CCSER1: variants seen among roughly 807,000 people sequenced by gnomAD.
The protein encoded by CCSER1 is serine-rich coiled-coil domain-containing protein 1.
Under a neutral mutation model 82.0 loss-of-function variants are expected in CCSER1, and 41 were observed. The observed-to-expected ratio is 0.50, with a 90% CI of 0.39 to 0.65. The LOEUF is 0.65. Among genes scored for constraint, CCSER1 ranks in the 30% least tolerant of loss-of-function variants. The probability of loss-of-function intolerance (pLI) is 0.00; values close to 1 mark genes in which losing one functional copy is unlikely to be tolerated. For synonymous variants in CCSER1, 414 were observed against 383.9 expected (o/e 1.08, Z -0.92); for missense variants, 1,119 against 1,064.2 (o/e 1.05, Z -0.72).
chr4:91,177,640 G>T (rs1455265758), intron 10 of CCSER1, among the ~76,000 whole-genome samples: 5 of 152,116 alleles, frequency 3.3e-5, no homozygotes, highest in Non-Finnish European at 5.9e-5. Flanking sequence ...ATAGTAGTTT[G>T]TATTTCTGTC....
chr4:91,571,874 G>T (rs964641082), intron 10 of CCSER1, among the ~76,000 whole-genome samples: 2 of 152,118 alleles, frequency 1.3e-5, no homozygotes, highest in Non-Finnish European at 2.9e-5. Flanking sequence ...GACTCGTGGT[G>T]TGTGACCCAT....
At position 91,400,904 on chromosome 4, in the gene CCSER1, G is replaced by A. The variant is rs189621548; in HGVS notation, c.2218-197668G>A. ...AAAGGGCACAGTGGCACCTAATTAA[G>A]TGATTTAGATTGCTGACATTGATGC... On this transcript the variant is annotated intron_variant, in intron 10 of 10. Coordinates refer to ENST00000509176, the MANE Select transcript of CCSER1 (RefSeq NM_001145065.2). Among the ~76,000 whole-genome samples, 433 of 151,916 alleles carry A rather than the reference G, an allele frequency of 2.9e-3. 1 individual carries two copies. Among genetic ancestry groups the A allele is most frequent in the African/African-American group, 0.01 (417 of 41,494 alleles).
In CCSER1 at chr4:91,096,467, C is replaced by G. The variant is rs986207669; in HGVS notation, c.2217+10473C>G. On this transcript the variant is annotated intron_variant, in intron 10 of 10. Transcript: ENST00000509176. ...TACTAGTACTGCTGCTGCCTGTCCCCTTAACCACTATGGGGGATCTAAAAC... is the reference window on the plus strand; with the variant it reads ...TACTAGTACTGCTGCTGCCTGTCCCGTTAACCACTATGGGGGATCTAAAAC... 2.0e-5 allele frequency among the ~76,000 whole-genome samples: 3 copies of G among 152,298 alleles called. No individual in the cohort carries two copies. The South Asian group carries it at 6.2e-4, about 32-fold the overall frequency.
intron 7 of CCSER1, among the ~76,000 whole-genome samples, chr4:90,786,678 A>G (rs1754563450): frequency 2.0e-5 from 3 of 152,148 alleles, no homozygotes; most frequent in Admixed American, 6.5e-5. Context: ...CTCTACTCTC[A>G]TACCACAGCG....
At chr4:91,036,043 T>C (rs1561489938) in intron 9 of CCSER1, among the ~76,000 whole-genome samples, 2 of 152,224 alleles carry the variant, frequency 1.3e-5, no homozygotes, top group Non-Finnish European at 2.9e-5. Flanking sequence ...GGATGCCCCT[T>C]CTAAGGGGTA....
chr4:90,418,519 A>T (rs978066283), intron 4 of CCSER1, among the ~76,000 whole-genome samples: 1 of 152,072 alleles, frequency 6.6e-6, no homozygotes, highest in African/African-American at 2.4e-5. Flanking sequence ...GTGCCAATTT[A>T]TGAGGTAAAT....
In CCSER1 at chr4:90,572,572, C is replaced by T. The variant is rs548977016; in HGVS notation, c.1725-55453C>T. On this transcript the variant is annotated intron_variant, in intron 5 of 10. Coordinates refer to ENST00000509176, the MANE Select transcript of CCSER1 (RefSeq NM_001145065.2). ...TTTAAATAACATATCTTTGAGCGCA[C>T]GTTATTATTATTATTATTATTATCT... Among the ~76,000 whole-genome samples, 6 of 149,566 alleles carry T rather than the reference C, an allele frequency of 4.0e-5. 1 individual carries two copies. The South Asian group carries it at 1.1e-3, about 26-fold the overall frequency.
chr4:90,194,598 C>T (rs1303297613), intron 1 of CCSER1, among the ~76,000 whole-genome samples: 1 of 151,774 alleles, frequency 6.6e-6, no homozygotes, highest in Non-Finnish European at 1.5e-5. Flanking sequence ...CAAATTTGGC[C>T]ATGTAAATAT....
chr4:90,941,338 A>G (rs957450666), intron 9 of CCSER1, among the ~76,000 whole-genome samples: 1 of 152,128 alleles, frequency 6.6e-6, no homozygotes, highest in African/African-American at 2.4e-5. Context: ...TATGTTTTAA[A>G]TGATTTTTTA....
At chr4:90,587,128 G>C (rs972948458) in intron 5 of CCSER1, among the ~76,000 whole-genome samples, 1 of 152,180 alleles carries the variant, frequency 6.6e-6, no homozygotes, top group Non-Finnish European at 1.5e-5. Context: ...GAAATGTGCG[G>C]AGCATCGAGA....
intron 9 of CCSER1, among the ~76,000 whole-genome samples, chr4:91,034,739 G>A (rs897241524): frequency 6.6e-6 from 1 of 152,096 alleles, no homozygotes; most frequent in African/African-American, 2.4e-5. Flanking sequence ...ATGTTCAAAT[G>A]TATAAAGGAT....
intron 5 of CCSER1, among the ~76,000 whole-genome samples, chr4:90,491,169 C>T (rs967356624): frequency 1.9e-5 from 2 of 105,190 alleles, no homozygotes; most frequent in Non-Finnish European, 3.3e-5. Flanking sequence ...AATGTTCTTC[C>T]ATTTTTTGTG....
chr4:90,348,630 A>T (rs1267267484), intron 3 of CCSER1, among the ~76,000 whole-genome samples: 3 of 152,108 alleles, frequency 2.0e-5, no homozygotes, highest in Non-Finnish European at 4.4e-5. Context: ...TGTTCATTTG[A>T]TTATTTTAAT....
At chr4:90,237,298 T>C (rs1372327636) in intron 1 of CCSER1, among the ~76,000 whole-genome samples, 2 of 152,194 alleles carry the variant, frequency 1.3e-5, no homozygotes, top group Non-Finnish European at 2.9e-5. Context: ...TTATGAGTAC[T>C]TAATATCCCC....
chr4:91,262,985 C>A (rs1741309766), intron 10 of CCSER1, among the ~76,000 whole-genome samples: 1 of 151,972 alleles, frequency 6.6e-6, no homozygotes, highest in Admixed American at 6.5e-5. Flanking sequence ...ATTATGTAAC[C>A]ATTCTGGGCC....
At chr4:90,453,409 G>C (rs1761752604) in intron 4 of CCSER1, among the ~76,000 whole-genome samples, 1 of 152,118 alleles carries the variant, frequency 6.6e-6, no homozygotes, top group Non-Finnish European at 1.5e-5. Context: ...GTTGTTACAG[G>C]GTTTGAGAAG....
At chr4:90,574,779 T>G (rs10029792) in intron 5 of CCSER1, among the ~76,000 whole-genome samples, 67,952 of 151,410 alleles carry the variant, frequency 0.45, 18,628 homozygotes, top group African/African-American at 0.77. Flanking sequence ...TTTTTTTGTG[T>G]TATATTAACC....
intron 10 of CCSER1, among the ~76,000 whole-genome samples, chr4:91,431,829 T>G (rs2149394241): frequency 6.6e-6 from 1 of 152,348 alleles, no homozygotes; most frequent in Middle Eastern, 3.4e-3. Context: ...GTTATTTTAA[T>G]TAAGGATATA....
intron 9 of CCSER1, among the ~76,000 whole-genome samples, chr4:90,936,701 TTCC>T (rs1730977164): frequency 1.3e-5 from 2 of 152,112 alleles, no homozygotes; most frequent in Non-Finnish European, 2.9e-5. Flanking sequence ...AAAAACAGAA[TTCC>T]AGATTTCTAA....
Sources: allele counts gnomAD v4.1 joint callset (sites outside exome capture counted in the v4.1 genomes callset), GRCh38; gene constraint gnomAD v4.1.1; transcripts MANE v1.5; gene names NCBI Gene and HGNC (gene_info 2026-07-23, HGNC 2026-07-21).